The following DNAH5 variants were observed in gnomAD, a reference collection of about 807,000 sequenced individuals.
DNAH5 encodes the protein axonemal beta dynein heavy chain 5.
Under a neutral mutation model 518.2 loss-of-function variants are expected in DNAH5, and 372 were observed. The observed-to-expected ratio is 0.72, with a 90% CI of 0.66 to 0.78. The LOEUF is 0.78. Among genes scored for constraint, DNAH5 ranks in the 30% least tolerant of loss-of-function variants. The pLI, the probability that DNAH5 is intolerant of heterozygous loss-of-function variation, is 0.00. For missense variants in DNAH5, 5,523 were observed against 5,687.0 expected, an observed-to-expected ratio of 0.97 and a Z score of 0.93; for synonymous variants, 2,039 against 2,025.9, an observed-to-expected ratio of 1.01 and a Z score of -0.17.
chr5:13,871,118 C>CA lies in DNAH5; in HGVS notation c.3599-117dup, dbSNP rs563634908. On this transcript the variant is annotated intron_variant, in intron 23 of 78. Transcript: ENST00000265104. ...TTATAGCTTATTGCCCTCTAACCCA[C>CA]AAAAAATTGAACTGGAAAAAATCAT... The CA allele has an allele frequency of 6.0e-4, 435 of 720,034 alleles. 3 individuals are homozygous for CA. The highest frequency in any genetic ancestry group is 5.4e-3 in the African/African-American group (301 of 55,870). The allele number at this position is 720,034 out of a possible 1,614,324, so 44.6% of individuals were successfully genotyped here. A position where few individuals can be genotyped will look rare whatever the true frequency, so the allele number is the denominator to read the frequency against.
chr5:13,724,398 T>G (rs1745449209), intron 70 of DNAH5, among the ~76,000 whole-genome samples: 1 of 152,226 alleles, frequency 6.6e-6, no homozygotes, highest in African/African-American at 2.4e-5. Flanking sequence ...TACCATTGTA[T>G]CTTGGGAGTA....
Position 13,785,540 on chromosome 5 carries a change from AACC to A in DNAH5, c.8820+636_8820+638del, listed in dbSNP as rs538204883. Among the ~76,000 whole-genome samples, 202 of 152,344 alleles carry A rather than the reference AACC, an allele frequency of 1.3e-3. 1 individual carries two copies. The highest frequency in any genetic ancestry group is 2.6e-3 in the Non-Finnish European group (178 of 68,032). ...CACATAATCTAAAATTTACCACTGT[AACC>A]ACTAAGTATATTGTTCAATATCATT... On this transcript the variant is annotated intron_variant, in intron 52 of 78. Transcript: ENST00000265104.
At chr5:13,974,731 A>G (rs1782113873) in intron 1 of DNAH5, among the ~76,000 whole-genome samples, 1 of 152,134 alleles carries the variant, frequency 6.6e-6, no homozygotes, top group Non-Finnish European at 1.5e-5. Flanking sequence ...TAAAGAGACT[A>G]CAATTTCCAT....
chr5:13,867,657 C>A (rs1769469439), intron 25 of DNAH5, 117 bp downstream of exon 25: 1 of 859,982 alleles, frequency 1.2e-6, no homozygotes, highest in Non-Finnish European at 2.0e-6. Context: ...AATTCCCATT[C>A]CCTGGGAATT....
At chr5:13,901,943 A>G in intron 13 of DNAH5, 110 bp downstream of exon 13, 2 of 826,748 alleles carry the variant, frequency 2.4e-6, no homozygotes, top group Non-Finnish European at 3.8e-6. Context: ...CAAATTGCCA[A>G]GAGAGGTTTT....
chr5:13,936,560 T>C (rs944675593), intron 1 of DNAH5, among the ~76,000 whole-genome samples: 1 of 152,156 alleles, frequency 6.6e-6, no homozygotes, highest in African/African-American at 2.4e-5. Context: ...GGAGACCTTA[T>C]AGAAATGAAG....
intron 43 of DNAH5, among the ~76,000 whole-genome samples, chr5:13,813,798 C>T (rs1319758106): frequency 3.3e-5 from 5 of 151,956 alleles, no homozygotes; most frequent in African/African-American, 1.2e-4. Flanking sequence ...TAGGATATAA[C>T]CATATAGAAA....
intron 52 of DNAH5, 91 bp downstream of exon 52, chr5:13,786,088 T>C (rs968460393): frequency 7.6e-7 from 1 of 1,313,422 alleles, no homozygotes; most frequent in Non-Finnish European, 1.1e-6. Context: ...AAGATTCTCC[T>C]AGGAAATGAA....
Position 13,886,135 on chromosome 5 carries a change from CAAAAAAAAAA to C in DNAH5, c.2578-16_2578-7del, listed in dbSNP as rs71600031. 6.7e-6 allele frequency: 9 copies of C among 1,341,100 alleles called. No homozygotes were observed. In the Admixed American group the frequency reaches 1.8e-4, roughly 26 times the overall value. 83.1% of individuals were successfully genotyped at this position (1,341,100 alleles called of 1,614,324 possible). ...GCACCATTTACACAAAGATCCTAAC[CAAAAAAAAAA>C]AAAAAAAAAGATAGCACAGTGGTAT... is the stretch of plus-strand genomic sequence containing the variant. On this transcript the variant is annotated splice_polypyrimidine_tract_variant and splice_region_variant and intron_variant, in intron 17 of 78. Transcript: ENST00000265104.
intron 65 of DNAH5, among the ~76,000 whole-genome samples, chr5:13,746,327 T>C (rs1192968504): frequency 1.3e-5 from 2 of 152,140 alleles, no homozygotes; most frequent in Non-Finnish European, 2.9e-5. Flanking sequence ...AAGCTTCAGG[T>C]TGCTGCTTCT....
intron 60 of DNAH5, 136 bp from the exon 61 acceptor site, chr5:13,759,119 C>G (rs1404865413): frequency 8.5e-7 from 1 of 1,172,388 alleles, no homozygotes; most frequent in African/African-American, 1.5e-5. Context: ...TTTCAAATCA[C>G]ATTAAGTCCT....
At chr5:13,793,395 C>T (rs1373566545) in intron 49 of DNAH5, 120 bp downstream of exon 49, 1 of 794,794 alleles carries the variant, frequency 1.3e-6, no homozygotes, top group Non-Finnish European at 2.2e-6. Context: ...GTGATGGAGG[C>T]TGTAGACCAA....
At chr5:13,896,401 A>G (rs1773920464) in intron 15 of DNAH5, among the ~76,000 whole-genome samples, 1 of 152,036 alleles carries the variant, frequency 6.6e-6, no homozygotes, top group African/African-American at 2.4e-5. Flanking sequence ...CACCTCCTTC[A>G]AATAAGTACT....
intron 1 of DNAH5, among the ~76,000 whole-genome samples, chr5:13,971,736 G>T (rs1781885961): frequency 6.6e-6 from 1 of 152,126 alleles, no homozygotes; most frequent in Non-Finnish European, 1.5e-5. Context: ...TTAATGTGCT[G>T]GTTTTGTGTT....
intron 61 of DNAH5, among the ~76,000 whole-genome samples, chr5:13,756,902 T>C (rs1580085024): frequency 6.6e-6 from 1 of 152,228 alleles, no homozygotes; most frequent in Non-Finnish European, 1.5e-5. Context: ...TTTCCGTCTA[T>C]GTGTCCATGT....
chr5:13,924,198 G>A (rs570768294), intron 3 of DNAH5, among the ~76,000 whole-genome samples: 2 of 152,236 alleles, frequency 1.3e-5, no homozygotes, highest in South Asian at 2.1e-4. Context: ...AGCATACCTG[G>A]TTATATTTCA....
At chr5:13,740,867 C>CT (rs1283660383) in intron 65 of DNAH5, among the ~76,000 whole-genome samples, 1 of 152,016 alleles carries the variant, frequency 6.6e-6, no homozygotes, top group Non-Finnish European at 1.5e-5. Flanking sequence ...GTGTCTGTAC[C>CT]TTTTATGGCA....
chr5:13,977,738 GA>G, intron 1 of DNAH5, among the ~76,000 whole-genome samples: 2 of 152,266 alleles, frequency 1.3e-5, no homozygotes, highest in East Asian at 3.9e-4. Flanking sequence ...TCCCAAATGG[GA>G]TCCAACTGTA....
intron 21 of DNAH5, among the ~76,000 whole-genome samples, chr5:13,880,281 T>C (rs1386435074): frequency 6.6e-6 from 1 of 152,178 alleles, no homozygotes; most frequent in East Asian, 1.9e-4. Context: ...ACAAGACCCA[T>C]CTTGCAGGAA....
Sources: gnomAD v4.1 joint callset for allele counts (sites outside exome capture counted in the v4.1 genomes callset) on GRCh38, gnomAD v4.1.1 for gene constraint, MANE v1.5 for transcripts, NCBI Gene and HGNC (gene_info 2026-07-23, HGNC 2026-07-21) for gene names.